Variants in LSAMP observed in about 807,000 individuals in gnomAD.
LSAMP encodes limbic system-associated membrane protein.
LSAMP carries 7 observed loss-of-function variants against 38.6 expected under a neutral mutation model. The ratio of observed to expected loss-of-function variants is 0.18; its 90% CI spans 0.10 to 0.34. The LOEUF is 0.34. Ranked by LOEUF, LSAMP falls within the 10% of genes least tolerant of loss-of-function variation. LSAMP has a pLI of 1.00. For missense variants in LSAMP, 313 were observed against 420.0 expected (o/e 0.75, Z 2.23); for synonymous variants, 154 against 166.8 (o/e 0.92, Z 0.59).
Position 116,346,327 on chromosome 3 carries a change from C to CTT in LSAMP, c.155+98548_155+98549dup, listed in dbSNP as rs11391341. On this transcript the variant is annotated intron_variant, in intron 1 of 6. Transcript: ENST00000490035. ...TTTTTTTTCTAAGGGTTAGTTTTAT[C>CTT]TTTTTTTTTTTTTCTTTTTGTGACA... Among the ~76,000 whole-genome samples the CTT allele has an allele frequency of 1.2e-3, 169 of 142,174 alleles. 1 individual carries two copies. The highest frequency in any genetic ancestry group is 4.0e-3 in the South Asian group (18 of 4,548). 93.3% of individuals were successfully genotyped at this position (142,174 alleles called of 152,430 possible).
intron 2 of LSAMP, among the ~76,000 whole-genome samples, chr3:116,033,702 T>C (rs1220937679): frequency 6.6e-6 from 1 of 152,082 alleles, no homozygotes; most frequent in African/African-American, 2.4e-5. Flanking sequence ...TGCTTGTGCT[T>C]ATACAACATG....
intron 1 of LSAMP, among the ~76,000 whole-genome samples, chr3:116,351,642 G>A (rs1278131153): frequency 6.6e-6 from 1 of 152,046 alleles, no homozygotes; most frequent in Middle Eastern, 3.2e-3. Context: ...ACTACAGAAT[G>A]GATGGCGGTG....
chr3:116,285,482 C>T (rs1408040102), intron 1 of LSAMP, among the ~76,000 whole-genome samples: 1 of 152,072 alleles, frequency 6.6e-6, no homozygotes, highest in Non-Finnish European at 1.5e-5. Flanking sequence ...TTTTGCATGG[C>T]TCATTCCCTC....
intron 3 of LSAMP, among the ~76,000 whole-genome samples, chr3:115,872,321 C>T (rs1212307128): frequency 6.6e-6 from 1 of 152,088 alleles, no homozygotes; most frequent in African/African-American, 2.4e-5. Context: ...ATCACTTATC[C>T]TTTAGTTGTT....
rs2049492706 is a variant in LSAMP, at chr3:116,445,110, C to T, written c.-79G>A. 5.6e-6 allele frequency: 8 copies of T among 1,439,102 alleles called. No individual in the cohort carries two copies. Among genetic ancestry groups the T allele is most frequent in the African/African-American group, 1.4e-5 (1 of 71,080 alleles). 89.1% of individuals were successfully genotyped at this position (1,439,102 alleles called of 1,614,324 possible). On this transcript the variant is annotated 5_prime_UTR_variant, in exon 1 of 7. It adds an upstream start codon to the 5' untranslated region. Coordinates refer to ENST00000490035, the MANE Select transcript of LSAMP (RefSeq NM_002338.5). ...CTCGCGAGGAGAGGCTTCACCAACA[C>T]GGGGCTTTCATCCACAGCGAGCGCA...
chr3:116,017,379 C>G (rs973108345), intron 3 of LSAMP, among the ~76,000 whole-genome samples: 11 of 152,022 alleles, frequency 7.2e-5, no homozygotes, highest in African/African-American at 2.2e-4. Flanking sequence ...CTCCCATTTC[C>G]CTTCTTTTAT....
chr3:115,956,771 A>C (rs4569653), intron 3 of LSAMP, among the ~76,000 whole-genome samples: 1 of 152,096 alleles, frequency 6.6e-6, no homozygotes, highest in Non-Finnish European at 1.5e-5. Context: ...CAGCATATCA[A>C]AAGTCCTCAA....
intron 6 of LSAMP, among the ~76,000 whole-genome samples, chr3:115,828,823 T>TA (rs933071100): frequency 7.9e-5 from 12 of 152,108 alleles, no homozygotes; most frequent in East Asian, 5.8e-4. Context: ...GGATTTTTGT[T>TA]AAAAAAAATA....
intron 1 of LSAMP, among the ~76,000 whole-genome samples, chr3:116,363,860 T>C (rs769345238): frequency 1.1e-4 from 14 of 128,814 alleles, no homozygotes; most frequent in Non-Finnish European, 9.9e-5. Context: ...TGGGACGTAT[T>C]TCAAAATAAT....
intron 3 of LSAMP, among the ~76,000 whole-genome samples, chr3:115,975,174 G>T (rs572259672): frequency 6.6e-6 from 1 of 152,128 alleles, no homozygotes; most frequent in Non-Finnish European, 1.5e-5. Context: ...AATCCCAGAA[G>T]TTTAGAAGCC....
rs150269231 is a variant in LSAMP, at chr3:116,397,848, C to G, written c.155+47029G>C. Among the ~76,000 whole-genome samples the G allele has an allele frequency of 7.2e-3, 1,099 of 152,154 alleles. 11 individuals carry two copies. Among genetic ancestry groups the G allele is most frequent in the African/African-American group, 0.025 (1,024 of 41,514 alleles). On this transcript the variant is annotated intron_variant, in intron 1 of 6. Transcript: ENST00000490035. ...TGGTAGGCTGTAGGCCAAGCTCAAG[C>G]CATTGGTTACCTGTGTAACCCCAGG...
intron 1 of LSAMP, among the ~76,000 whole-genome samples, chr3:116,253,294 T>C (rs748672729): frequency 2.6e-5 from 4 of 152,170 alleles, no homozygotes; most frequent in South Asian, 2.1e-4. Context: ...TTGTCACCCA[T>C]GGAACTACAG....
At chr3:115,837,767 C>CTCT (rs1181104729) in intron 6 of LSAMP, 31 of 152,326 alleles carry the variant, frequency 2.0e-4, no homozygotes, top group African/African-American at 7.5e-4. Flanking sequence ...AGGGCCTAGA[C>CTCT]TCTTGAAATA....
intron 1 of LSAMP, among the ~76,000 whole-genome samples, chr3:116,292,111 T>C (rs921912530): frequency 1.3e-5 from 2 of 152,198 alleles, no homozygotes; most frequent in Non-Finnish European, 2.9e-5. Context: ...AATTTATCTT[T>C]GGTAATCTCC....
At chr3:116,137,825 G>A (rs1709284296) in intron 1 of LSAMP, among the ~76,000 whole-genome samples, 1 of 152,132 alleles carries the variant, frequency 6.6e-6, no homozygotes, top group African/African-American at 2.4e-5. Flanking sequence ...AAAGGATAAT[G>A]AATACCCACA....
In LSAMP at chr3:116,019,556, C is replaced by A; in HGVS notation, c.473G>T (p.Arg158Leu). Residue 158 changes from arginine (R) to leucine (L), a missense_variant, in exon 3 of 7, where the codon CGT (arginine) becomes CTT (leucine). Coordinates refer to ENST00000490035, the MANE Select transcript of LSAMP (RefSeq NM_002338.5). ...TCTCCAGGTGATAACAGGTTCAGGA[C>A]GGCCATTGGCCATGCAGACCAGAGT... ...NVTLVCMANG[R>L]PEPVITWRHL... The A allele has an allele frequency of 6.2e-7, 1 of 1,612,830 alleles. No homozygotes were observed. Among genetic ancestry groups the A allele is most frequent in the South Asian group, 1.1e-5 (1 of 91,056 alleles).
At chr3:116,052,011 G>A (rs1941405675) in intron 2 of LSAMP, among the ~76,000 whole-genome samples, 1 of 152,174 alleles carries the variant, frequency 6.6e-6, no homozygotes, top group South Asian at 2.1e-4. Context: ...AAAGAACATA[G>A]AGAAAGGTAA....
chr3:116,417,237 T>G (rs1019059895), intron 1 of LSAMP, among the ~76,000 whole-genome samples: 4 of 152,130 alleles, frequency 2.6e-5, no homozygotes, highest in Non-Finnish European at 5.9e-5. Context: ...CTTACTACAG[T>G]GGATTTCAAA....
chr3:116,170,906 C>G (rs1710181704), intron 1 of LSAMP, among the ~76,000 whole-genome samples: 1 of 151,922 alleles, frequency 6.6e-6, no homozygotes, highest in Admixed American at 6.6e-5. Context: ...TCTTCTTTCT[C>G]TATGTTCGTT....
Sources: allele counts gnomAD v4.1 joint callset (sites outside exome capture counted in the v4.1 genomes callset), GRCh38; gene constraint gnomAD v4.1.1; transcripts MANE v1.5; gene names NCBI Gene and HGNC (gene_info 2026-07-23, HGNC 2026-07-21).